Variants in TLE4 observed in about 807,000 individuals in gnomAD.
The protein encoded by TLE4 is transducin-like enhancer protein 4.
TLE4 carries 8 observed loss-of-function variants against 92.8 expected under a neutral mutation model. The ratio of observed to expected loss-of-function variants is 0.09; its 90% confidence interval spans 0.05 to 0.16. The LOEUF (loss-of-function observed/expected upper bound fraction) is 0.16, where lower values mean the gene tolerates loss of function less well. Ranked by LOEUF, TLE4 falls within the 10% of genes least tolerant of loss-of-function variation. The probability of loss-of-function intolerance (pLI) is 1.00; values close to 1 mark genes in which losing one functional copy is unlikely to be tolerated. For synonymous variants in TLE4, 371 were observed against 374.1 expected (o/e 0.99, Z 0.10); for missense variants, 675 against 997.6 (o/e 0.68, Z 4.36).
At chr9:79,572,887 C>G in intron 1 of TLE4, 52 bp downstream of exon 1, 4 of 1,553,928 alleles carry the variant, frequency 2.6e-6, no homozygotes, top group Non-Finnish European at 3.5e-6. Context: ...GGATTCCCCG[C>G]GTCGCCCCCT....
chr9:79,722,843 G>C, intron 18 of TLE4, 116 bp from the exon 19 acceptor site: 17 of 1,083,098 alleles, frequency 1.6e-5, no homozygotes, highest in Non-Finnish European at 2.3e-5. Context: ...TGAAGTGAAA[G>C]TTATTTTTTA....
intron 4 of TLE4, among the ~76,000 whole-genome samples, chr9:79,608,977 G>A (rs571479164): frequency 3.9e-5 from 6 of 152,140 alleles, no homozygotes; most frequent in African/African-American, 9.6e-5. Flanking sequence ...TTCAGGTATA[G>A]GGTTAACTAA....
At chr9:79,718,337 T>C (rs1223210282) in intron 14 of TLE4, among the ~76,000 whole-genome samples, 4 of 152,176 alleles carry the variant, frequency 2.6e-5, no homozygotes, top group Non-Finnish European at 5.9e-5. Context: ...CTCTGATTCA[T>C]CCAAAGGAGA....
chr9:79,701,803 G>A (rs1243808232), intron 8 of TLE4, among the ~76,000 whole-genome samples: 3 of 152,178 alleles, frequency 2.0e-5, no homozygotes, highest in African/African-American at 2.4e-5. Flanking sequence ...TCAGCCATTT[G>A]TGTTGAGAAA....
chr9:79,708,344 C>A, intron 12 of TLE4, 94 bp downstream of exon 12: 1 of 1,417,792 alleles, frequency 7.1e-7, no homozygotes, highest in South Asian at 1.2e-5. Flanking sequence ...GTGCTAATGA[C>A]CAGCATTGAA....
chr9:79,615,731 G>C (rs1002487024), intron 5 of TLE4, among the ~76,000 whole-genome samples: 1 of 152,048 alleles, frequency 6.6e-6, no homozygotes, highest in Non-Finnish European at 1.5e-5. Flanking sequence ...GTATAATTGT[G>C]TTCAGAAGTA....
chr9:79,632,993 T>C (rs1183603934), intron 6 of TLE4, among the ~76,000 whole-genome samples: 1 of 152,222 alleles, frequency 6.6e-6, no homozygotes, highest in African/African-American at 2.4e-5. Context: ...AAAGCAGTTT[T>C]ACATCACATT....
In TLE4 at chr9:79,725,539, T is replaced by G. The variant is rs1167317458; in HGVS notation, c.*395T>G. 1 of 164,616 alleles carries G rather than the reference T, an allele frequency of 6.1e-6. No homozygotes were observed. The highest frequency in any genetic ancestry group is 1.6e-4 in the South Asian group (1 of 6,116). The allele number at this position is 164,616 out of a possible 1,614,324, so 10.2% of individuals were successfully genotyped here. ...ATTTGATACCCCTCCCCCCCTTTTT[T>G]TGGCAAAGGAGGGGAAAGGAAGGTT... On this transcript the variant is annotated 3_prime_UTR_variant, in exon 20 of 20. Transcript: ENST00000376552.
intron 19 of TLE4, among the ~76,000 whole-genome samples, chr9:79,723,697 G>C (rs567292318): frequency 1.3e-5 from 2 of 152,168 alleles, no homozygotes; most frequent in Admixed American, 6.5e-5. Flanking sequence ...TTTTTTACAA[G>C]CAATATAATA....
At chr9:79,643,726 TC>T (rs1374077242) in intron 6 of TLE4, among the ~76,000 whole-genome samples, 3 of 152,200 alleles carry the variant, frequency 2.0e-5, no homozygotes, top group Admixed American at 2.0e-4. Flanking sequence ...AGCTAGGTGA[TC>T]CATGGGGTGA....
chr9:79,677,891 T>G (rs1051422524), intron 8 of TLE4, among the ~76,000 whole-genome samples: 1 of 152,234 alleles, frequency 6.6e-6, no homozygotes, highest in Middle Eastern at 3.4e-3. Flanking sequence ...TATGGAACTT[T>G]AGAAGGAAGA....
chr9:79,579,616 T>A (rs1361696125), intron 4 of TLE4, among the ~76,000 whole-genome samples: 1 of 152,158 alleles, frequency 6.6e-6, no homozygotes, highest in East Asian at 1.9e-4. Context: ...AAGTAAGTAC[T>A]GCACATTTAT....
chr9:79,620,843 T>A (rs1452345803), intron 5 of TLE4, among the ~76,000 whole-genome samples: 1 of 152,062 alleles, frequency 6.6e-6, no homozygotes, highest in Admixed American at 6.6e-5. Flanking sequence ...TCAGGGAGCT[T>A]TTTTTACTCA....
At chr9:79,666,163 C>CTGTGTGTGTG (rs34558090) in intron 8 of TLE4, among the ~76,000 whole-genome samples, 12 of 126,474 alleles carry the variant, frequency 9.5e-5, no homozygotes, top group Admixed American at 3.4e-4. Context: ...TTTCCTTCAT[C>CTGTGTGTGTG]TGTGTGTGTG....
intron 4 of TLE4, among the ~76,000 whole-genome samples, chr9:79,589,537 C>G (rs959280842): frequency 6.6e-6 from 1 of 152,032 alleles, no homozygotes; most frequent in Non-Finnish European, 1.5e-5. Flanking sequence ...GGTGCTACTA[C>G]TGCGCAAGGC....
chr9:79,651,800 C>G (rs886116811), intron 6 of TLE4, among the ~76,000 whole-genome samples: 1 of 152,178 alleles, frequency 6.6e-6, no homozygotes, highest in Non-Finnish European at 1.5e-5. Flanking sequence ...TTCAAATTAA[C>G]TCTCCCTGCA....
At chr9:79,674,296 T>C (rs542773548) in intron 8 of TLE4, among the ~76,000 whole-genome samples, 94 of 151,398 alleles carry the variant, frequency 6.2e-4, no homozygotes, top group Non-Finnish European at 1.2e-3. Flanking sequence ...AGTTTGCTAT[T>C]ATCTCCGTGT....
intron 8 of TLE4, among the ~76,000 whole-genome samples, chr9:79,696,692 A>G (rs955527173): frequency 6.6e-6 from 1 of 152,348 alleles, no homozygotes. Flanking sequence ...TTCTTTTCTA[A>G]TAAATGTTAA....
At chr9:79,671,203 T>C (rs1171449146) in intron 8 of TLE4, 1 of 454,730 alleles carries the variant, frequency 2.2e-6, no homozygotes, top group African/African-American at 2.0e-5. Context: ...TTTATGTATT[T>C]TACAGCAAAA....
Sources: allele counts gnomAD v4.1 joint callset (sites outside exome capture counted in the v4.1 genomes callset), GRCh38; gene constraint gnomAD v4.1.1; transcripts MANE v1.5; gene names NCBI Gene and HGNC (gene_info 2026-07-23, HGNC 2026-07-21).